The following LMF1 variants were observed in gnomAD, a reference collection of about 807,000 sequenced individuals.
LMF1 encodes transmembrane protein 112.
Under a neutral mutation model 60.6 loss-of-function variants are expected in LMF1, and 68 were observed. The observed-to-expected ratio is 1.12, with a 90% CI of 0.92 to 1.37. The LOEUF (loss-of-function observed/expected upper bound fraction) is 1.37. Among genes scored for constraint, LMF1 ranks in the 40% most tolerant of loss-of-function variants. The pLI is 0.00. For synonymous variants in LMF1, 418 were observed against 324.7 expected (o/e 1.29, Z -3.09); for missense variants, 948 against 767.2 (o/e 1.24, Z -2.78).
At chr16:966,301 G>C (rs1052911711) in intron 1 of LMF1, among the ~76,000 whole-genome samples, 1 of 152,210 alleles carries the variant, frequency 6.6e-6, no homozygotes, top group Non-Finnish European at 1.5e-5. Context: ...GGGAGCGTGT[G>C]TCCCAAAGCC....
chr16:947,072 A>C lies in LMF1; in HGVS notation c.503+7285T>G, dbSNP rs575820120. Among the ~76,000 whole-genome samples, 201 of 152,328 alleles carry C rather than the reference A, an allele frequency of 1.3e-3. 1 individual carries two copies. Among genetic ancestry groups the C allele is most frequent in the African/African-American group, 4.7e-3 (195 of 41,582 alleles). On this transcript the variant is annotated intron_variant, in intron 2 of 10. Coordinates refer to ENST00000262301, the MANE Select transcript of LMF1 (RefSeq NM_022773.4). ...CAGACAAAGACACCCAGCACACAGC[A>C]ACAGGATCAGGCTTTTCCCACGCCA...
intron 4 of LMF1, among the ~76,000 whole-genome samples, chr16:896,396 C>T (rs1043960245): frequency 2.0e-5 from 3 of 152,210 alleles, no homozygotes; most frequent in African/African-American, 4.8e-5. Flanking sequence ...GTGCCCCCAA[C>T]GACAGGGAGG....
At position 859,972 on chromosome 16, in the gene LMF1, G is replaced by T. The variant is rs1212807650; in HGVS notation, c.1530-5266C>A. Reference sequence around the variant, plus strand: ...TGGGTGTGCAGTGATGGTACCGGATGGGTGTGCAGTGGTGTTATGGTGGTT... The same window carrying T: ...TGGGTGTGCAGTGATGGTACCGGATTGGTGTGCAGTGGTGTTATGGTGGTT... On this transcript the variant is annotated intron_variant, in intron 10 of 10. Coordinates refer to ENST00000262301, the MANE Select transcript of LMF1 (RefSeq NM_022773.4). Among the ~76,000 whole-genome samples, 2 of 151,096 alleles carry T rather than the reference G, an allele frequency of 1.3e-5. 1 individual carries two copies. The highest frequency in any genetic ancestry group is 4.9e-5 in the African/African-American group (2 of 40,518).
intron 5 of LMF1, among the ~76,000 whole-genome samples, chr16:888,243 G>T (rs557168060): frequency 6.6e-6 from 1 of 152,346 alleles, no homozygotes; most frequent in Non-Finnish European, 1.5e-5. Context: ...CCTGGCAGGG[G>T]CTGCCCTGTG....
upstream of LMF1, among the ~76,000 whole-genome samples, chr16:974,009 CAAA>C (rs34433197): frequency 7.0e-5 from 6 of 85,792 alleles, no homozygotes; most frequent in Non-Finnish European, 5.1e-5. Flanking sequence ...GACTCTGTCT[CAAA>C]AAAAAAAAAA....
Position 954,446 on chromosome 16 carries a change from A to C in LMF1, c.414T>G (p.Ser138=). ...LLALLGLGIS[S]FVLITGCANM... ...TGGCGCAGCCCGTGATCAGTACGAA[A>C]GACGAGATGCCCAGTCCGAGAAGAG... The change falls in exon 2 of 11, where the codon TCT becomes TCG. Residue 138 remains serine, a synonymous_variant. Transcript: ENST00000262301. 1 of 1,613,058 alleles carries C rather than the reference A, an allele frequency of 6.2e-7. No homozygotes were observed. Among genetic ancestry groups the C allele is most frequent in the South Asian group, 1.1e-5 (1 of 90,918 alleles).
chr16:943,826 T>C (rs1177162008), intron 2 of LMF1, among the ~76,000 whole-genome samples: 4 of 152,136 alleles, frequency 2.6e-5, no homozygotes, highest in Non-Finnish European at 5.9e-5. Context: ...TGTGCTATCT[T>C]GGCTATCATG....
chr16:944,810 C>T (rs2072195509), intron 2 of LMF1, among the ~76,000 whole-genome samples: 1 of 152,196 alleles, frequency 6.6e-6, no homozygotes, highest in Non-Finnish European at 1.5e-5. Context: ...GCCCCAGTGC[C>T]CTAAACACCC....
intron 3 of LMF1, among the ~76,000 whole-genome samples, chr16:911,916 G>A (rs1209561380): frequency 6.6e-6 from 1 of 152,142 alleles, no homozygotes; most frequent in Non-Finnish European, 1.5e-5. Flanking sequence ...GGGGCCCAAC[G>A]GATTCTTCGC....
intron 10 of LMF1, chr16:855,226 C>A: frequency 4.2e-6 from 1 of 238,120 alleles, no homozygotes; most frequent in Non-Finnish European, 8.4e-6. Flanking sequence ...TTCCTGAGGG[C>A]GGAGCCTCTG....
chr16:857,470 GGT>G (rs1472675115), intron 10 of LMF1, among the ~76,000 whole-genome samples: 3 of 127,234 alleles, frequency 2.4e-5, no homozygotes, highest in African/African-American at 6.0e-5. Flanking sequence ...TCTCGGGACG[GGT>G]GTGAGTGGTG....
intron 3 of LMF1, chr16:931,625 A>T: frequency 7.8e-7 from 1 of 1,284,918 alleles, no homozygotes; most frequent in South Asian, 1.2e-5. Flanking sequence ...TCTGAGGCCC[A>T]GCACCCGGAG....
chr16:937,256 C>T (rs5015441), intron 2 of LMF1, among the ~76,000 whole-genome samples: 72,457 of 152,066 alleles, frequency 0.48, 18,903 homozygotes, highest in African/African-American at 0.69. Context: ...GCTTTTATTA[C>T]ATTTTCAACA....
At chr16:974,196 CTT>C (rs1421597876), upstream of LMF1, among the ~76,000 whole-genome samples, 1 of 152,200 alleles carries the variant, frequency 6.6e-6, no homozygotes, top group Admixed American at 6.5e-5. Flanking sequence ...ACAGGTGTGT[CTT>C]ATTCTCTAAG....
At chr16:872,389 T>C (rs1459455295) in intron 6 of LMF1, 2 of 152,262 alleles carry the variant, frequency 1.3e-5, no homozygotes, top group African/African-American at 2.4e-5. Context: ...GCGATGATGG[T>C]GTTTTATGAA....
intron 1 of LMF1, among the ~76,000 whole-genome samples, chr16:965,034 C>T (rs2072896277): frequency 6.6e-6 from 1 of 152,242 alleles, no homozygotes. Flanking sequence ...AACATAATCT[C>T]AGTGAGCCCA....
intron 4 of LMF1, among the ~76,000 whole-genome samples, chr16:906,993 C>T (rs371240942): frequency 1.7e-4 from 26 of 152,260 alleles, no homozygotes; most frequent in Middle Eastern, 3.4e-3. Context: ...TGCTATCTTT[C>T]GAGGCATACA....
chr16:971,187 T>C (rs1483285237), upstream of LMF1, among the ~76,000 whole-genome samples: 8 of 152,154 alleles, frequency 5.3e-5, no homozygotes, highest in East Asian at 1.6e-3. Context: ...CCTGCCTCCT[T>C]CGCAGTTCTC....
At chr16:917,896 A>G (rs1421323504) in intron 3 of LMF1, among the ~76,000 whole-genome samples, 1 of 152,254 alleles carries the variant, frequency 6.6e-6, no homozygotes, top group African/African-American at 2.4e-5. Context: ...AGGAACCTCC[A>G]GAACCGGCCT....
Sources: gnomAD v4.1 joint callset for allele counts (sites outside exome capture counted in the v4.1 genomes callset) on GRCh38, gnomAD v4.1.1 for gene constraint, MANE v1.5 for transcripts, NCBI Gene and HGNC (gene_info 2026-07-23, HGNC 2026-07-21) for gene names.